The following MAF variants were observed in gnomAD, a reference collection of about 807,000 sequenced individuals.
MAF encodes MAF bZIP transcription factor, also known as transcription factor Maf.
In MAF, 10 loss-of-function variants were observed where a neutral mutation model predicts 22.0. That is an observed-to-expected ratio of 0.45 (90% CI 0.28 to 0.77). The LOEUF (loss-of-function observed/expected upper bound fraction) is 0.77, where lower values mean the gene tolerates loss of function less well. Among genes scored for constraint, MAF ranks in the 30% least tolerant of loss-of-function variants. The pLI, the probability that MAF is intolerant of heterozygous loss-of-function variation, is 0.12. For synonymous variants in MAF, 337 were observed against 255.8 expected (o/e 1.32, Z -3.03); for missense variants, 544 against 548.4 (o/e 0.99, Z 0.08).
chr16:79,306,519 A>T, the MAF span, among the ~76,000 whole-genome samples: 1 of 152,186 alleles, frequency 6.6e-6, no homozygotes. Context: ...CTTACAAGGT[A>T]TTATGAGATG....
At chr16:79,216,172 CGTGTAT>C in the MAF span, among the ~76,000 whole-genome samples, 3 of 147,300 alleles carry the variant, frequency 2.0e-5, no homozygotes, top group Middle Eastern at 3.4e-3. Context: ...ATGTCGTGCA[CGTGTAT>C]ATGTATATAT....
the MAF span, among the ~76,000 whole-genome samples, chr16:79,371,931 T>C: frequency 6.6e-6 from 1 of 152,250 alleles, no homozygotes; most frequent in African/African-American, 2.4e-5. Context: ...CTTTTTCTCA[T>C]CTGTTAAATG....
At chr16:79,552,220 CT>C in the MAF span, among the ~76,000 whole-genome samples, 59,308 of 149,240 alleles carry the variant, frequency 0.4, 12,480 homozygotes, top group Admixed American at 0.49. Flanking sequence ...GCTCTCTCTT[CT>C]TTTTTTTTTT....
At chr16:79,438,612 G>A in the MAF span, among the ~76,000 whole-genome samples, 1 of 152,074 alleles carries the variant, frequency 6.6e-6, no homozygotes, top group African/African-American at 2.4e-5. Context: ...TTTCACAGAG[G>A]AGGGAAGGGG....
At chr16:79,580,153 A>G in the MAF span, among the ~76,000 whole-genome samples, 2 of 152,224 alleles carry the variant, frequency 1.3e-5, no homozygotes, top group African/African-American at 4.8e-5. Context: ...TTTTTCTTCC[A>G]GGGTCAGGAC....
chr16:79,328,899 T>C, the MAF span, among the ~76,000 whole-genome samples: 3 of 152,196 alleles, frequency 2.0e-5, no homozygotes, highest in Non-Finnish European at 1.5e-5. Flanking sequence ...TTGTGTTGCT[T>C]GTATTAGTGC....
the MAF span, among the ~76,000 whole-genome samples, chr16:79,222,497 TTAAAG>T: frequency 6.6e-6 from 1 of 151,896 alleles, no homozygotes; most frequent in Non-Finnish European, 1.5e-5. Flanking sequence ...ACCCTAAAAC[TTAAAG>T]TATAATAATA....
the MAF span, among the ~76,000 whole-genome samples, chr16:79,422,423 G>C: frequency 2.0e-5 from 3 of 152,266 alleles, no homozygotes; most frequent in Non-Finnish European, 4.4e-5. Context: ...AGAGTCCCGG[G>C]GACCCCAGAG....
At chr16:79,510,103 C>T in the MAF span, among the ~76,000 whole-genome samples, 380 of 152,264 alleles carry the variant, frequency 2.5e-3, no homozygotes, top group Non-Finnish European at 4.0e-3. Flanking sequence ...GGACGGCTAC[C>T]GAACTTTAAG....
At chr16:79,227,262 G>A in the MAF span, among the ~76,000 whole-genome samples, 40 of 152,168 alleles carry the variant, frequency 2.6e-4, no homozygotes, top group Middle Eastern at 6.8e-3. Flanking sequence ...GAGGTAGGGG[G>A]ATCGCCTGGG....
At chr16:79,588,492 T>A (rs978740244) in intron 1 of MAF, among the ~76,000 whole-genome samples, 20 of 152,280 alleles carry the variant, frequency 1.3e-4, no homozygotes, top group Admixed American at 1.3e-3. Context: ...TTGAGTGCAG[T>A]GGCGCAATCT....
the MAF span, among the ~76,000 whole-genome samples, chr16:79,416,275 C>T: frequency 5.9e-5 from 9 of 152,108 alleles, no homozygotes. Flanking sequence ...ATTGAGGGAC[C>T]TGAATTAGGT....
At chr16:79,577,226 C>A in the MAF span, among the ~76,000 whole-genome samples, 2 of 152,112 alleles carry the variant, frequency 1.3e-5, no homozygotes, top group Non-Finnish European at 2.9e-5. Flanking sequence ...TATGCATTTT[C>A]TTCTGGGCCT....
At chr16:79,589,525 C>T (rs568938043), downstream of MAF, among the ~76,000 whole-genome samples, 133 of 152,168 alleles carry the variant, frequency 8.7e-4, no homozygotes, top group Middle Eastern at 3.4e-3. Context: ...GAAAATGGGC[C>T]GGAAAACTAA....
the MAF span, among the ~76,000 whole-genome samples, chr16:79,458,653 T>C: frequency 6.6e-6 from 1 of 152,350 alleles, no homozygotes; most frequent in South Asian, 2.1e-4. Context: ...ATTGTCCTTT[T>C]ACATAAAAAA....
the MAF span, among the ~76,000 whole-genome samples, chr16:79,419,913 A>G: frequency 1.3e-4 from 12 of 95,218 alleles, no homozygotes; most frequent in African/African-American, 1.0e-3. Flanking sequence ...AATCTCCCGG[A>G]AAAAAAAAAA....
At chr16:79,483,677 T>C in the MAF span, among the ~76,000 whole-genome samples, 1 of 151,634 alleles carries the variant, frequency 6.6e-6, no homozygotes, top group Non-Finnish European at 1.5e-5. Flanking sequence ...AAGAGGGAGG[T>C]TAAGGGTTCA....
the MAF span, among the ~76,000 whole-genome samples, chr16:79,262,846 G>C: frequency 1.3e-5 from 2 of 152,176 alleles, no homozygotes; most frequent in Non-Finnish European, 1.5e-5. Flanking sequence ...TGGGTGAACG[G>C]TATTGAAGGG....
At chr16:79,594,819 C>CT in intron 1 of MAF, 1 of 1,260,846 alleles carries the variant, frequency 7.9e-7, no homozygotes, top group East Asian at 3.4e-5. Flanking sequence ...CTCTTACAGC[C>CT]AGCCACTCAA....
Sources: gnomAD v4.1 joint callset for allele counts (sites outside exome capture counted in the v4.1 genomes callset) on GRCh38, gnomAD v4.1.1 for gene constraint, MANE v1.5 for transcripts, NCBI Gene and HGNC (gene_info 2026-07-23, HGNC 2026-07-21) for gene names.